The following ACSL3 variants were observed in gnomAD, a reference collection of about 807,000 sequenced individuals.
ACSL3 encodes acyl-CoA synthetase long chain family member 3, also known as fatty acid CoA ligase Acsl3.
A neutral mutation model predicts 84.7 loss-of-function variants in ACSL3; 34 were observed. That is an observed-to-expected ratio of 0.40 (90% CI 0.31 to 0.53). The LOEUF is 0.53. ACSL3 is among the 20% of genes least tolerant of loss of function. The pLI, the probability that ACSL3 is intolerant of heterozygous loss-of-function variation, is 0.48. For synonymous variants in ACSL3, 315 were observed against 299.4 expected, an observed-to-expected ratio of 1.05 and a Z score of -0.54; for missense variants, 680 against 873.1, an observed-to-expected ratio of 0.78 and a Z score of 2.79.
At chr2:222,940,922 A>T (rs2165235) in intron 16 of ACSL3, among the ~76,000 whole-genome samples, 1 of 150,844 alleles carries the variant, frequency 6.6e-6, no homozygotes, top group South Asian at 2.1e-4. Flanking sequence ...TTTAAATGAG[A>T]TGGGGTTTCG....
chr2:222,880,660 C>T (rs532018924), intron 1 of ACSL3, among the ~76,000 whole-genome samples: 8 of 151,756 alleles, frequency 5.3e-5, no homozygotes, highest in African/African-American at 1.7e-4. Context: ...AACCCTGTCT[C>T]TACTAAAAAT....
chr2:222,868,364 C>T lies in ACSL3; in HGVS notation c.-207+7106C>T, dbSNP rs142228917. Among the ~76,000 whole-genome samples, 843 of 152,242 alleles carry T rather than the reference C, an allele frequency of 5.5e-3. 7 individuals are homozygous for T. The highest frequency in any genetic ancestry group is 7.6e-3 in the Non-Finnish European group (517 of 68,016). On this transcript the variant is annotated intron_variant, in intron 1 of 16. Coordinates refer to ENST00000357430, the MANE Select transcript of ACSL3 (RefSeq NM_004457.5). ...AAAATGGAGATAATAGAAATCTACC[C>T]GTAGATTGTTGTGAGATTCAAATGA...
intron 4 of ACSL3, among the ~76,000 whole-genome samples, chr2:222,911,199 G>C (rs977265378): frequency 1.3e-5 from 2 of 152,064 alleles, no homozygotes; most frequent in African/African-American, 4.8e-5. Context: ...ACAGGCATGC[G>C]CCACCACGTC....
chr2:222,919,988 G>A (rs1372094040), intron 7 of ACSL3, among the ~76,000 whole-genome samples: 2 of 152,134 alleles, frequency 1.3e-5, no homozygotes, highest in Admixed American at 1.3e-4. Context: ...AGGGAATGGT[G>A]GCTTCAGAGG....
chr2:222,904,293 C>CAAAAAA (rs60135005), intron 3 of ACSL3, among the ~76,000 whole-genome samples: 6 of 151,878 alleles, frequency 4.0e-5, no homozygotes, highest in African/African-American at 1.2e-4. Flanking sequence ...CAAAACAAAA[C>CAAAAAA]AAAAAACAAT....
intron 4 of ACSL3, among the ~76,000 whole-genome samples, chr2:222,911,930 A>G (rs903067976): frequency 3.9e-5 from 6 of 152,206 alleles, no homozygotes; most frequent in African/African-American, 1.4e-4. Flanking sequence ...TTCTGTCTAT[A>G]GTTCATTACT....
intron 15 of ACSL3, among the ~76,000 whole-genome samples, chr2:222,934,192 G>A (rs185498778): frequency 3.3e-5 from 5 of 152,194 alleles, no homozygotes; most frequent in Admixed American, 2.0e-4. Flanking sequence ...CACATGCTAT[G>A]AAATACTGAT....
intron 2 of ACSL3, among the ~76,000 whole-genome samples, chr2:222,893,360 T>A (rs1695887040): frequency 6.6e-6 from 1 of 152,092 alleles, no homozygotes; most frequent in Non-Finnish European, 1.5e-5. Flanking sequence ...GTCAGTAGGG[T>A]GTGAATATAA....
At chr2:222,939,728 G>A (rs1164249440) in intron 16 of ACSL3, among the ~76,000 whole-genome samples, 1 of 152,034 alleles carries the variant, frequency 6.6e-6, no homozygotes, top group Non-Finnish European at 1.5e-5. Context: ...CTTCTGTCCC[G>A]GAGTGTAGGA....
chr2:222,926,396 T>G (rs1696874096), intron 11 of ACSL3, among the ~76,000 whole-genome samples: 1 of 152,150 alleles, frequency 6.6e-6, no homozygotes. Flanking sequence ...CTTCACCTTT[T>G]GCAAAGATTT....
chr2:222,920,950 C>T, intron 7 of ACSL3: 2 of 488,782 alleles, frequency 4.1e-6, no homozygotes, highest in Non-Finnish European at 8.4e-6. Context: ...TGGCTCCCTT[C>T]CTCACTTTAT....
rs1697335937 is a variant in ACSL3 at position 222,942,408 on chromosome 2, CA to C, written c.*758del. The C allele has an allele frequency of 1.0e-5, 2 of 192,752 alleles. No homozygotes were observed. The highest frequency in any genetic ancestry group is 1.9e-4 in the South Asian group (1 of 5,162). 11.9% of individuals were successfully genotyped at this position (192,752 alleles called of 1,614,324 possible). A position where few individuals can be genotyped will look rare whatever the true frequency, so the allele number is the denominator to read the frequency against. On this transcript the variant is annotated 3_prime_UTR_variant, in exon 17 of 17. Coordinates refer to ENST00000357430, the MANE Select transcript of ACSL3 (RefSeq NM_004457.5). ...TAATTGGTCTCTAGTAGCTTACTGT[CA>C]AAATGTTCAATGAAGTCTTCTGTTC...
intron 9 of ACSL3, 86 bp downstream of exon 9, chr2:222,922,917 C>G: frequency 1.3e-6 from 2 of 1,540,768 alleles, no homozygotes; most frequent in Non-Finnish European, 1.8e-6. Context: ...CAGTATATTG[C>G]GAGAGCGATG....
At chr2:222,887,277 A>T (rs1695747066) in intron 1 of ACSL3, among the ~76,000 whole-genome samples, 1 of 151,934 alleles carries the variant, frequency 6.6e-6, no homozygotes, top group South Asian at 2.1e-4. Flanking sequence ...TTCAACACTG[A>T]CTCATTTTCC....
At chr2:222,903,204 C>CT (rs1696200310) in intron 3 of ACSL3, among the ~76,000 whole-genome samples, 1 of 152,026 alleles carries the variant, frequency 6.6e-6, no homozygotes. Flanking sequence ...GTGGCATGAT[C>CT]TTAACTTATC....
In ACSL3 at chr2:222,874,350, A is replaced by T. The variant is rs568052843; in HGVS notation, c.-207+13092A>T. Among the ~76,000 whole-genome samples the T allele has an allele frequency of 2.0e-5, 3 of 152,162 alleles. No individual in the cohort carries two copies. The South Asian group carries it at 6.2e-4, about 32-fold the overall frequency. Reference sequence around the variant, plus strand: ...TTGTACTTCCATTTATATATTGAAAACCAGAAGAGAGATGTTGTTTCATAT... The same window carrying T: ...TTGTACTTCCATTTATATATTGAAATCCAGAAGAGAGATGTTGTTTCATAT... On this transcript the variant is annotated intron_variant, in intron 1 of 16. Transcript: ENST00000357430.
chr2:222,924,102 G>A lies in ACSL3; in HGVS notation c.1153-354G>A, dbSNP rs541195337. ...GAAAAACCATTTCAGACGGTTGTTC[G>A]TTTATTTTGTGAGTAGGTTTTAGTT... On this transcript the variant is annotated intron_variant, in intron 10 of 16. Coordinates refer to ENST00000357430, the MANE Select transcript of ACSL3 (RefSeq NM_004457.5). 3.3e-5 allele frequency among the ~76,000 whole-genome samples: 5 copies of A among 152,264 alleles called. No individual in the cohort carries two copies. In the South Asian group the frequency reaches 6.2e-4, roughly 19 times the overall value.
intron 13 of ACSL3, among the ~76,000 whole-genome samples, chr2:222,929,780 A>AAAAT (rs987486797): frequency 6.6e-6 from 1 of 150,392 alleles, no homozygotes; most frequent in South Asian, 2.1e-4. Context: ...TCTCATCTCC[A>AAAAT]AAATAAATAA....
At chr2:222,941,219 C>A (rs564722156) in intron 16 of ACSL3, among the ~76,000 whole-genome samples, 1 of 152,178 alleles carries the variant, frequency 6.6e-6, no homozygotes, top group South Asian at 2.1e-4. Context: ...CATGAGCCAT[C>A]ATGCCTGGCT....
Sources: gnomAD v4.1 joint callset for allele counts (sites outside exome capture counted in the v4.1 genomes callset) on GRCh38, gnomAD v4.1.1 for gene constraint, MANE v1.5 for transcripts, NCBI Gene and HGNC (gene_info 2026-07-23, HGNC 2026-07-21) for gene names.